The following ANKS4B variants were observed in gnomAD, a reference collection of about 807,000 sequenced individuals.
ANKS4B encodes the protein ankyrin repeat and sterile alpha motif domain containing 4B.
Under a neutral mutation model 20.2 loss-of-function variants are expected in ANKS4B, and 21 were observed. The observed-to-expected ratio is 1.04, with a 90% CI of 0.74 to 1.50. ANKS4B has a LOEUF of 1.50. Ranked by LOEUF, ANKS4B falls within the 40% of genes most tolerant of loss-of-function variation. The pLI is 0.00. For synonymous variants in ANKS4B, 179 were observed against 194.5 expected (o/e 0.92, Z 0.66); for missense variants, 473 against 494.6 (o/e 0.96, Z 0.41).
rs879684644 is a variant in ANKS4B at position 21,251,260 on chromosome 16, C to A, written c.*440C>A. The A allele has an allele frequency of 7.5e-5, 12 of 160,592 alleles. No individual in the cohort carries two copies. In the East Asian group the frequency reaches 1.2e-3, roughly 16 times the overall value. 9.9% of individuals were successfully genotyped at this position (160,592 alleles called of 1,614,324 possible). A position where few individuals can be genotyped will look rare whatever the true frequency, so the allele number is the denominator to read the frequency against. On this transcript the variant is annotated 3_prime_UTR_variant, in exon 2 of 2. Transcript: ENST00000311620. Reference sequence around the variant, plus strand: ...GCTGAGACTACAGGTTCACACCCCCCACACCTGGCTTATTTTGTATGTTTT... The same window carrying A: ...GCTGAGACTACAGGTTCACACCCCCAACACCTGGCTTATTTTGTATGTTTT...
Position 21,253,193 on chromosome 16 carries a change from C to T in ANKS4B, c.*2373C>T, listed in dbSNP as rs760621995. 4 of 152,102 alleles carry T rather than the reference C, an allele frequency of 2.6e-5. No homozygotes were observed. The highest frequency in any genetic ancestry group is 4.4e-5 in the Non-Finnish European group (3 of 68,012). The allele number at this position is 152,102 out of a possible 1,614,324, so 9.4% of individuals were successfully genotyped here. ...TTTACTGTTGATTCTGGGTATAATA[C>T]AGAAACAGCTGTTTATCTTCAGCTT... On this transcript the variant is annotated 3_prime_UTR_variant, in exon 2 of 2. Transcript: ENST00000311620.
At chr16:21,246,436 A>G (rs2093332367) in intron 1 of ANKS4B, among the ~76,000 whole-genome samples, 1 of 152,228 alleles carries the variant, frequency 6.6e-6, no homozygotes, top group African/African-American at 2.4e-5. Flanking sequence ...GGGAGTTAAG[A>G]GTATAAAGTA....
chr16:21,249,937 A>C lies in ANKS4B; in HGVS notation c.371A>C (p.Gln124Pro), dbSNP rs2093336727. 1 of 1,614,110 alleles carries C rather than the reference A, an allele frequency of 6.2e-7. No individual in the cohort carries two copies. Among genetic ancestry groups the C allele is most frequent in the Non-Finnish European group, 8.5e-7 (1 of 1,180,038 alleles). The change falls in exon 2 of 2, where the codon CAG (glutamine) becomes CCG (proline). Residue 124 changes from glutamine to proline, a missense_variant. Transcript: ENST00000311620. Reference protein sequence around the residue: ...VALLDKAATAQNIMNPKKVTR... With the variant: ...VALLDKAATAPNIMNPKKVTR... ...CTCCTGGACAAGGCTGCCACTGCAC[A>C]GAACATCATGAACCCCAAGAAGGTC...
rs182923875 is a variant in ANKS4B, at chr16:21,247,913, T to A, written c.165-1818T>A. ...GTAGAATGACACACTTATATGAACC[T>A]GCAGTCATGGAAGTAAGTTGAGGAA... On this transcript the variant is annotated intron_variant, in intron 1 of 1. Coordinates refer to ENST00000311620, the MANE Select transcript of ANKS4B (RefSeq NM_145865.3). Among the ~76,000 whole-genome samples the A allele has an allele frequency of 9.1e-4, 138 of 152,356 alleles. 1 individual carries two copies. The South Asian group carries it at 0.017, about 18-fold the overall frequency.
chr16:21,248,880 T>C (rs991921139), intron 1 of ANKS4B, among the ~76,000 whole-genome samples: 1 of 152,222 alleles, frequency 6.6e-6, no homozygotes, highest in Non-Finnish European at 1.5e-5. Flanking sequence ...AAATAGTTGA[T>C]AATGGTACGC....
At chr16:21,246,984 C>T (rs910090442) in intron 1 of ANKS4B, among the ~76,000 whole-genome samples, 2 of 152,070 alleles carry the variant, frequency 1.3e-5, no homozygotes, top group Admixed American at 6.6e-5. Context: ...CTGTAGTGAG[C>T]CTACGAATCA....
At position 21,250,337 on chromosome 16, in the gene ANKS4B, C is replaced by T. The variant is rs376516746; in HGVS notation, c.771C>T (p.Asp257=). The T allele has an allele frequency of 6.4e-5, 104 of 1,614,122 alleles. No individual in the cohort carries two copies. Among genetic ancestry groups the T allele is most frequent in the South Asian group, 4.3e-4 (39 of 91,074 alleles). Residue 257 remains aspartate, a synonymous_variant, in exon 2 of 2, where the codon GAC becomes GAT. Transcript: ENST00000311620. The part of the protein sequence containing the change: ...KEKLQLSAEE[D]GSVHHESILN... ...AGCTCCAGTTGTCAGCAGAGGAGGA[C>T]GGCAGTGTGCACCATGAATCCATTC...
At chr16:21,242,574 C>T (rs1423440057) in intron 1 of ANKS4B, among the ~76,000 whole-genome samples, 1 of 152,172 alleles carries the variant, frequency 6.6e-6, no homozygotes, top group African/African-American at 2.4e-5. Flanking sequence ...AACATACTGT[C>T]CTCCAGGCTC....
chr16:21,243,497 A>T (rs752393624), intron 1 of ANKS4B, among the ~76,000 whole-genome samples: 22 of 152,360 alleles, frequency 1.4e-4, no homozygotes, highest in Admixed American at 7.2e-4. Flanking sequence ...ACTTGTCTGT[A>T]GAAAATATTT....
chr16:21,250,550 T>G lies in ANKS4B; in HGVS notation c.984T>G (p.Asp328Glu). 6.2e-7 allele frequency: 1 copy of G among 1,614,160 alleles called. No homozygotes were observed. Among genetic ancestry groups the G allele is most frequent in the Admixed American group, 1.7e-5 (1 of 60,018 alleles). The part of the protein sequence containing the change: ...EEGEENGLKD[D>E]LPWDDDEVEW... Reference sequence around the variant, plus strand: ...GAGAGGAAAACGGCCTCAAAGATGATCTGCCGTGGGATGACGATGAAGTGG... The same window carrying G: ...GAGAGGAAAACGGCCTCAAAGATGAGCTGCCGTGGGATGACGATGAAGTGG... The change falls in exon 2 of 2, where the codon GAT becomes GAG. Residue 328 changes from aspartate (D) to glutamate (E), a missense_variant. Asp to Glu is a conservative substitution (Grantham distance 45). Coordinates refer to ENST00000311620, the MANE Select transcript of ANKS4B (RefSeq NM_145865.3).
At chr16:21,239,901 A>G (rs187019054) in intron 1 of ANKS4B, among the ~76,000 whole-genome samples, 3 of 152,260 alleles carry the variant, frequency 2.0e-5, no homozygotes, top group East Asian at 3.9e-4. Flanking sequence ...AATTATCTAC[A>G]ACAAACACTC....
At chr16:21,247,162 T>A (rs916753340) in intron 1 of ANKS4B, among the ~76,000 whole-genome samples, 4 of 149,186 alleles carry the variant, frequency 2.7e-5, no homozygotes, top group African/African-American at 7.5e-5. Flanking sequence ...GCCTCCGGGG[T>A]TTAAGCAATT....
intron 1 of ANKS4B, among the ~76,000 whole-genome samples, chr16:21,240,109 CT>C (rs2093324619): frequency 6.6e-6 from 1 of 152,010 alleles, no homozygotes; most frequent in Non-Finnish European, 1.5e-5. Context: ...AAAACTCTGG[CT>C]TTGTTAGAAA....
Position 21,252,330 on chromosome 16 carries a change from G to C in ANKS4B, c.*1510G>C, listed in dbSNP as rs1199845777. On this transcript the variant is annotated 3_prime_UTR_variant, in exon 2 of 2. Coordinates refer to ENST00000311620, the MANE Select transcript of ANKS4B (RefSeq NM_145865.3). ...GTGAGAAGGTGGCCGTCTGCAAGCCGAGGAGGGGGCCTCAGGAGAAACCAA... is the reference window on the plus strand; with the variant it reads ...GTGAGAAGGTGGCCGTCTGCAAGCCCAGGAGGGGGCCTCAGGAGAAACCAA... 1 of 152,306 alleles carries C rather than the reference G, an allele frequency of 6.6e-6. No homozygotes were observed. The highest frequency in any genetic ancestry group is 2.4e-5 in the African/African-American group (1 of 41,472). 9.4% of individuals were successfully genotyped at this position (152,306 alleles called of 1,614,324 possible).
chr16:21,250,556 G>C lies in ANKS4B; in HGVS notation c.990G>C (p.Pro330=). ...AAAACGGCCTCAAAGATGATCTGCC[G>C]TGGGATGACGATGAAGTGGAGTGGG... is the stretch of plus-strand genomic sequence containing the variant. ...GEENGLKDDL[P]WDDDEVEWEE... The change falls in exon 2 of 2, where the codon CCG becomes CCC. Residue 330 remains proline, a synonymous_variant. Transcript: ENST00000311620. 6.2e-7 allele frequency: 1 copy of C among 1,614,176 alleles called. No individual in the cohort carries two copies. Among genetic ancestry groups the C allele is most frequent in the Non-Finnish European group, 8.5e-7 (1 of 1,180,032 alleles).
In ANKS4B at chr16:21,250,721, A is replaced by T; in HGVS notation, c.1155A>T (p.Ile385=). The T allele has an allele frequency of 6.2e-7, 1 of 1,610,502 alleles. No individual in the cohort carries two copies. ...LLCSDEDLQS[I]QMQLGPRKKV... ...GCTCTGATGAGGACCTTCAGAGCAT[A>T]CAAATGCAGCTGGGTCCCAGGAAGA... The change falls in exon 2 of 2, where the codon ATA becomes ATT. Residue 385 remains isoleucine (I), a synonymous_variant. Coordinates refer to ENST00000311620, the MANE Select transcript of ANKS4B (RefSeq NM_145865.3).
intron 1 of ANKS4B, among the ~76,000 whole-genome samples, chr16:21,242,293 TCTCCTGCCTCAGCC>T (rs1351689630): frequency 6.6e-6 from 1 of 152,096 alleles, no homozygotes; most frequent in Non-Finnish European, 1.5e-5. Context: ...TTCAAGCAAT[TCTCCTGCCTCAGCC>T]CTCCCAAGTA....
intron 1 of ANKS4B, among the ~76,000 whole-genome samples, chr16:21,244,269 C>T (rs990633044): frequency 2.0e-5 from 3 of 151,220 alleles, no homozygotes; most frequent in African/African-American, 4.9e-5. Flanking sequence ...GTTGGGGGGT[C>T]GGGGGCAAGA....
chr16:21,235,226 G>C (rs910832496), intron 1 of ANKS4B, among the ~76,000 whole-genome samples: 3 of 152,184 alleles, frequency 2.0e-5, no homozygotes, highest in African/African-American at 7.2e-5. Flanking sequence ...GTGAGGGAAG[G>C]CTTCCCTAAG....
Sources: gnomAD v4.1 joint callset for allele counts (sites outside exome capture counted in the v4.1 genomes callset) on GRCh38, gnomAD v4.1.1 for gene constraint, MANE v1.5 for transcripts, NCBI Gene and HGNC (gene_info 2026-07-23, HGNC 2026-07-21) for gene names.